The following FILIP1L variants were observed in gnomAD, a reference collection of about 807,000 sequenced individuals.
The protein encoded by FILIP1L is filamin A-interacting protein 1-like.
FILIP1L carries 55 observed loss-of-function variants against 96.6 expected under a neutral mutation model. The observed-to-expected ratio is 0.57, with a 90% CI of 0.46 to 0.71. The LOEUF (loss-of-function observed/expected upper bound fraction) is 0.71. Among genes scored for constraint, FILIP1L ranks in the 30% least tolerant of loss-of-function variants. FILIP1L has a pLI of 0.00. For missense variants in FILIP1L, 1,304 were observed against 1,321.2 expected (o/e 0.99, Z 0.20); for synonymous variants, 467 against 473.9 (o/e 0.99, Z 0.19).
At chr3:100,071,498 T>C (rs963309397) in intron 1 of FILIP1L, among the ~76,000 whole-genome samples, 1 of 152,100 alleles carries the variant, frequency 6.6e-6, no homozygotes, top group Non-Finnish European at 1.5e-5. Context: ...AAGCATTCAC[T>C]AAAATTTACA....
At chr3:99,833,371 A>G in intron 5 of FILIP1L, 2 of 865,864 alleles carry the variant, frequency 2.3e-6, no homozygotes, top group Non-Finnish European at 3.7e-6. Flanking sequence ...AATCTAGAAG[A>G]CTCCCTGGTT....
At chr3:99,934,732 C>T (rs368867434) in intron 1 of FILIP1L, among the ~76,000 whole-genome samples, 1 of 152,194 alleles carries the variant, frequency 6.6e-6, no homozygotes, top group Admixed American at 6.5e-5. Context: ...CCTCACCTCA[C>T]TCTTAAAGTG....
intron 1 of FILIP1L, among the ~76,000 whole-genome samples, chr3:100,097,040 AGC>A (rs2066222058): frequency 6.6e-6 from 1 of 152,196 alleles, no homozygotes; most frequent in African/African-American, 2.4e-5. Flanking sequence ...CAGGCCACAA[AGC>A]AGGAGGTGAG....
intron 1 of FILIP1L, among the ~76,000 whole-genome samples, chr3:100,080,610 T>G (rs1014842507): frequency 6.6e-6 from 1 of 152,168 alleles, no homozygotes; most frequent in African/African-American, 2.4e-5. Context: ...ACTGGTTAGG[T>G]ATGAAGGAGT....
At chr3:100,060,863 AAAAAAT>A (rs1390380389) in intron 1 of FILIP1L, among the ~76,000 whole-genome samples, 1 of 152,156 alleles carries the variant, frequency 6.6e-6, no homozygotes, top group Non-Finnish European at 1.5e-5. Context: ...TCTTGTCTCG[AAAAAAT>A]AAAAATAAAA....
At chr3:100,091,953 T>C (rs2066117650) in intron 1 of FILIP1L, among the ~76,000 whole-genome samples, 2 of 152,206 alleles carry the variant, frequency 1.3e-5, no homozygotes, top group Admixed American at 1.3e-4. Context: ...GTTAGAATCT[T>C]AACGCTGATC....
At chr3:100,102,604 A>G (rs892482336) in intron 1 of FILIP1L, among the ~76,000 whole-genome samples, 1 of 152,010 alleles carries the variant, frequency 6.6e-6, no homozygotes, top group Admixed American at 6.6e-5. Flanking sequence ...CCATTACTAA[A>G]CTATTAATTC....
intron 5 of FILIP1L, among the ~76,000 whole-genome samples, chr3:99,845,459 C>G (rs1455862796): frequency 2.0e-5 from 3 of 152,130 alleles, no homozygotes; most frequent in African/African-American, 7.2e-5. Flanking sequence ...TGTGAGCCCT[C>G]ATGGACCAAA....
At chr3:100,052,722 G>T (rs1288908948) in intron 1 of FILIP1L, among the ~76,000 whole-genome samples, 2 of 152,052 alleles carry the variant, frequency 1.3e-5, no homozygotes, top group East Asian at 3.9e-4. Flanking sequence ...TTTTACAAAG[G>T]CAAGGTGGAA....
At chr3:99,975,522 G>A (rs1231355479) in intron 1 of FILIP1L, among the ~76,000 whole-genome samples, 1 of 151,864 alleles carries the variant, frequency 6.6e-6, no homozygotes, top group Non-Finnish European at 1.5e-5. Flanking sequence ...AACCCGGGAG[G>A]CAGACGTTGC....
rs1706931491 is a variant in FILIP1L, at chr3:99,915,761, T to G, written c.605+8469A>C. ...CAACCATGCCTTGAGTATAAGCCCT[T>G]ATTTTGCCTCCTCTGTATCCTTTGT... On this transcript the variant is annotated intron_variant, in intron 4 of 5. Coordinates refer to ENST00000477258, the MANE Select transcript of FILIP1L (RefSeq NM_001387850.1). Among the ~76,000 whole-genome samples the G allele has an allele frequency of 1.3e-5, 2 of 152,166 alleles. 1 individual carries two copies. The highest frequency in any genetic ancestry group is 4.1e-4 in the South Asian group (2 of 4,822).
intron 1 of FILIP1L, among the ~76,000 whole-genome samples, chr3:100,036,258 A>T (rs1478740649): frequency 3.3e-5 from 5 of 152,176 alleles, no homozygotes; most frequent in Non-Finnish European, 7.4e-5. Flanking sequence ...CTCATTTCCC[A>T]CTAAGAGGAA....
intron 4 of FILIP1L, among the ~76,000 whole-genome samples, chr3:99,869,695 CT>C (rs1944694195): frequency 6.6e-6 from 1 of 152,202 alleles, no homozygotes; most frequent in Non-Finnish European, 1.5e-5. Context: ...ACACTTAAGT[CT>C]TGCGAGCCCA....
chr3:100,032,260 T>C (rs547273390), intron 1 of FILIP1L, among the ~76,000 whole-genome samples: 2 of 152,338 alleles, frequency 1.3e-5, no homozygotes, highest in East Asian at 3.9e-4. Context: ...CGTTGGCCCT[T>C]GATTCTGTTT....
At chr3:99,914,106 A>G (rs1021459511) in intron 4 of FILIP1L, among the ~76,000 whole-genome samples, 4 of 152,200 alleles carry the variant, frequency 2.6e-5, no homozygotes, top group African/African-American at 9.6e-5. Context: ...AGATCCCACT[A>G]TTTTCAACAA....
intron 1 of FILIP1L, among the ~76,000 whole-genome samples, chr3:99,942,508 G>A (rs941936608): frequency 6.6e-6 from 1 of 152,270 alleles, no homozygotes; most frequent in Admixed American, 6.5e-5. Context: ...GAAAGCACTA[G>A]GCACATATTG....
At chr3:99,871,422 G>A (rs1944780973) in intron 4 of FILIP1L, among the ~76,000 whole-genome samples, 1 of 152,116 alleles carries the variant, frequency 6.6e-6, no homozygotes, top group Admixed American at 6.5e-5. Flanking sequence ...TACTTTCCTA[G>A]GCACTGGAGG....
chr3:99,956,233 TTTC>T (rs1209201581), intron 1 of FILIP1L, among the ~76,000 whole-genome samples: 1 of 152,172 alleles, frequency 6.6e-6, no homozygotes, highest in Non-Finnish European at 1.5e-5. Flanking sequence ...CTTCCTCACC[TTTC>T]TTCTTTGTTG....
chr3:99,913,821 A>T (rs148127916), intron 4 of FILIP1L, among the ~76,000 whole-genome samples: 1 of 152,376 alleles, frequency 6.6e-6, no homozygotes, highest in African/African-American at 2.4e-5. Flanking sequence ...AAAACGTAGA[A>T]AACACATATT....
Sources: gnomAD v4.1 joint callset for allele counts (sites outside exome capture counted in the v4.1 genomes callset) on GRCh38, gnomAD v4.1.1 for gene constraint, MANE v1.5 for transcripts, NCBI Gene and HGNC (gene_info 2026-07-23, HGNC 2026-07-21) for gene names.